MED12L: variants seen among roughly 807,000 people sequenced by gnomAD.
MED12L encodes mediator complex subunit 12L.
A neutral mutation model predicts 281.3 loss-of-function variants in MED12L; 60 were observed. That is an observed-to-expected ratio of 0.21 (90% CI 0.17 to 0.26). MED12L has a LOEUF of 0.26. MED12L is among the 10% of genes least tolerant of loss of function. MED12L has a pLI of 1.00. For synonymous variants in MED12L, 974 were observed against 987.2 expected (o/e 0.99, Z 0.25); for missense variants, 2,146 against 2,680.9 (o/e 0.80, Z 4.41).
intron 2 of MED12L, among the ~76,000 whole-genome samples, chr3:151,105,024 G>A (rs1016212320): frequency 2.0e-5 from 3 of 152,174 alleles, no homozygotes; most frequent in Non-Finnish European, 4.4e-5. Flanking sequence ...AGGTACAGGG[G>A]TTAGGACTTT....
chr3:151,186,193 A>G (rs1723240808), intron 12 of MED12L, among the ~76,000 whole-genome samples: 1 of 152,192 alleles, frequency 6.6e-6, no homozygotes, highest in African/African-American at 2.4e-5. Context: ...TTGTTGAGGG[A>G]AATTTTCTAA....
chr3:151,400,502 G>A (rs1477641467), intron 39 of MED12L, among the ~76,000 whole-genome samples: 3 of 152,144 alleles, frequency 2.0e-5, no homozygotes, highest in Non-Finnish European at 4.4e-5. Context: ...TATATGTAGC[G>A]ACCAGTACAT....
At chr3:151,103,701 A>T (rs1721659286) in intron 2 of MED12L, among the ~76,000 whole-genome samples, 1 of 152,174 alleles carries the variant, frequency 6.6e-6, no homozygotes, top group South Asian at 2.1e-4. Context: ...CTTACCCTTT[A>T]CAGTAGACAT....
chr3:151,301,109 C>T (rs1745855830), intron 16 of MED12L, among the ~76,000 whole-genome samples: 3 of 152,122 alleles, frequency 2.0e-5, no homozygotes, highest in Admixed American at 2.0e-4. Context: ...GTTAATGCAG[C>T]ATAGGCAATG....
At chr3:151,270,377 C>T (rs1290205149) in intron 16 of MED12L, among the ~76,000 whole-genome samples, 3 of 152,022 alleles carry the variant, frequency 2.0e-5, no homozygotes, top group Non-Finnish European at 4.4e-5. Flanking sequence ...GTTCCAAATT[C>T]ATTTTTATCC....
intron 16 of MED12L, chr3:151,198,147 C>T: frequency 3.9e-6 from 1 of 254,758 alleles, no homozygotes; most frequent in East Asian, 7.4e-5. Flanking sequence ...TCATGGACCT[C>T]TTTTGGATTT....
At chr3:151,194,352 T>G (rs1481071780) in intron 16 of MED12L, among the ~76,000 whole-genome samples, 1 of 152,150 alleles carries the variant, frequency 6.6e-6, no homozygotes, top group Admixed American at 6.5e-5. Context: ...CAGTAAGAGT[T>G]TTGAGGCATA....
intron 5 of MED12L, among the ~76,000 whole-genome samples, chr3:151,133,494 T>C (rs1715701057): frequency 6.6e-6 from 1 of 152,004 alleles, no homozygotes; most frequent in Non-Finnish European, 1.5e-5. Context: ...AAGTGGGTAA[T>C]GAAATATTTG....
At chr3:151,385,295 G>T in intron 36 of MED12L, 104 bp downstream of exon 36, 1 of 677,464 alleles carries the variant, frequency 1.5e-6, no homozygotes. Context: ...TTTTGCTGTT[G>T]ATGTTTTTAA....
At chr3:151,123,022 T>G in intron 4 of MED12L, 48 bp downstream of exon 4, 1 of 1,405,958 alleles carries the variant, frequency 7.1e-7, no homozygotes, top group Non-Finnish European at 9.7e-7. Context: ...TATAATCAGC[T>G]GTTTGGGATA....
At chr3:151,418,300 T>C (rs1456291862) in intron 43 of MED12L, among the ~76,000 whole-genome samples, 1 of 152,176 alleles carries the variant, frequency 6.6e-6, no homozygotes, top group African/African-American at 2.4e-5. Context: ...AAATTGAACA[T>C]TACTACAATG....
Position 151,433,043 on chromosome 3 carries a change from G to A in MED12L, c.*239G>A. The A allele has an allele frequency of 2.2e-6, 1 of 460,512 alleles. No homozygotes were observed. The highest frequency in any genetic ancestry group is 3.9e-6 in the Non-Finnish European group (1 of 257,434). The allele number at this position is 460,512 out of a possible 1,614,324, so 28.5% of individuals were successfully genotyped here. ...AGGTTTACAAATGTGAATCATGCAG[G>A]CAGGCCTACTCCCGGAAGAGTGTGC... On this transcript the variant is annotated 3_prime_UTR_variant, in exon 45 of 45. Coordinates refer to ENST00000687756, the MANE Select transcript of MED12L (RefSeq NM_001393769.1).
intron 43 of MED12L, among the ~76,000 whole-genome samples, chr3:151,416,835 G>T (rs911324216): frequency 7.9e-5 from 12 of 152,144 alleles, no homozygotes; most frequent in Admixed American, 7.2e-4. Flanking sequence ...TCTTCAATAA[G>T]AAATTGTTTT....
intron 16 of MED12L, among the ~76,000 whole-genome samples, chr3:151,335,417 G>A (rs555981390): frequency 3.3e-5 from 5 of 152,248 alleles, no homozygotes; most frequent in South Asian, 4.2e-4. Flanking sequence ...AGTGGGCTGC[G>A]ATTTGGCCTG....
intron 41 of MED12L, 26 bp from the exon 42 acceptor site, chr3:151,413,113 A>G (rs1560139181): frequency 6.2e-7 from 1 of 1,600,944 alleles, no homozygotes; most frequent in Non-Finnish European, 8.5e-7. Flanking sequence ...CTTGGGCCTG[A>G]ACCAAGTTGC....
At chr3:151,283,282 T>G (rs1743048400) in intron 16 of MED12L, among the ~76,000 whole-genome samples, 1 of 152,274 alleles carries the variant, frequency 6.6e-6, no homozygotes, top group African/African-American at 2.4e-5. Flanking sequence ...AAACAGATTT[T>G]CTGTATTGCT....
intron 26 of MED12L, among the ~76,000 whole-genome samples, chr3:151,370,880 T>G (rs1169074965): frequency 6.6e-6 from 1 of 152,156 alleles, no homozygotes; most frequent in East Asian, 1.9e-4. Context: ...ATTTGTAGGA[T>G]TAGTCTAATC....
chr3:151,423,013 A>AT (rs1718448001), intron 43 of MED12L, among the ~76,000 whole-genome samples: 4 of 74,296 alleles, frequency 5.4e-5, no homozygotes, highest in African/African-American at 1.5e-4. Flanking sequence ...AGGAGATCAT[A>AT]AAAATATATA....
At chr3:151,366,075 T>G in intron 23 of MED12L, 84 bp downstream of exon 23, 1 of 1,176,232 alleles carries the variant, frequency 8.5e-7, no homozygotes, top group Non-Finnish European at 1.1e-6. Context: ...TGGCTTTTAT[T>G]TAATTGATTC....
Sources: allele counts gnomAD v4.1 joint callset (sites outside exome capture counted in the v4.1 genomes callset), GRCh38; gene constraint gnomAD v4.1.1; transcripts MANE v1.5; gene names NCBI Gene and HGNC (gene_info 2026-07-23, HGNC 2026-07-21).